Variants in SGCZ observed in about 807,000 individuals in gnomAD.
The protein encoded by SGCZ is zeta-sarcoglycan.
In SGCZ, 40 loss-of-function variants were observed where a neutral mutation model predicts 41.3. The observed-to-expected ratio is 0.97, with a 90% CI of 0.75 to 1.26. The LOEUF (loss-of-function observed/expected upper bound fraction) is 1.26, where lower values mean the gene tolerates loss of function less well. Ranked by LOEUF, SGCZ falls within the 50% of genes most tolerant of loss-of-function variation. The pLI is 0.00. For missense variants in SGCZ, 552 were observed against 369.8 expected, an observed-to-expected ratio of 1.49 and a Z score of -4.04; for synonymous variants, 206 against 137.5, an observed-to-expected ratio of 1.50 and a Z score of -3.49.
intron 1 of SGCZ, among the ~76,000 whole-genome samples, chr8:15,114,821 C>T (rs1256319026): frequency 6.6e-6 from 1 of 151,256 alleles, no homozygotes; most frequent in Non-Finnish European, 1.5e-5. Flanking sequence ...AACAGAGTTG[C>T]CCAGACAAAA....
chr8:15,229,608 T>C (rs909618463), intron 1 of SGCZ, among the ~76,000 whole-genome samples: 1 of 152,228 alleles, frequency 6.6e-6, no homozygotes, highest in Non-Finnish European at 1.5e-5. Flanking sequence ...GTTTGAAGGC[T>C]AGAACATGAT....
intron 2 of SGCZ, among the ~76,000 whole-genome samples, chr8:14,406,780 C>A (rs909830088): frequency 1.3e-5 from 2 of 152,090 alleles, no homozygotes. Context: ...CATACGCCAC[C>A]CTTTAATTTG....
At chr8:14,239,759 G>A (rs1230959364) in intron 3 of SGCZ, among the ~76,000 whole-genome samples, 7 of 150,368 alleles carry the variant, frequency 4.7e-5, no homozygotes, top group African/African-American at 9.8e-5. Context: ...AAAATTAGCC[G>A]GGCGTAGTGG....
At chr8:14,293,947 C>T (rs1257084971) in intron 3 of SGCZ, among the ~76,000 whole-genome samples, 2 of 151,710 alleles carry the variant, frequency 1.3e-5, no homozygotes, top group Non-Finnish European at 3.0e-5. Flanking sequence ...CAAGTCAAGA[C>T]ATACATATCT....
At chr8:14,590,837 T>C (rs1010201341) in intron 1 of SGCZ, among the ~76,000 whole-genome samples, 29 of 148,362 alleles carry the variant, frequency 2.0e-4, no homozygotes, top group Non-Finnish European at 3.4e-4. Context: ...TGAATATGTA[T>C]TCATATTATG....
intron 2 of SGCZ, among the ~76,000 whole-genome samples, chr8:14,372,385 A>G (rs73664331): frequency 2.4e-3 from 360 of 152,272 alleles, no homozygotes; most frequent in African/African-American, 8.3e-3. Context: ...AATTCTGAGT[A>G]TTTATTCTGT....
At chr8:14,520,010 T>A (rs984794833) in intron 2 of SGCZ, among the ~76,000 whole-genome samples, 1 of 151,824 alleles carries the variant, frequency 6.6e-6, no homozygotes, top group African/African-American at 2.4e-5. Context: ...CTTTTAAAAC[T>A]TTTTTTTAAA....
chr8:15,089,362 G>C (rs17120895), intron 1 of SGCZ, among the ~76,000 whole-genome samples: 3,628 of 152,092 alleles, frequency 0.024, 120 homozygotes, highest in African/African-American at 0.079. Context: ...GTCTGACTGG[G>C]ACATGGACAA....
chr8:14,245,656 G>C (rs1585273957), intron 3 of SGCZ, among the ~76,000 whole-genome samples: 2 of 151,960 alleles, frequency 1.3e-5, no homozygotes, highest in Admixed American at 6.6e-5. Flanking sequence ...GCGTGAAAAG[G>C]CAATACACAA....
At chr8:14,419,557 A>G (rs886971782) in intron 2 of SGCZ, among the ~76,000 whole-genome samples, 1 of 151,968 alleles carries the variant, frequency 6.6e-6, no homozygotes, top group East Asian at 1.9e-4. Context: ...GACAAAAACA[A>G]TATTCGTAAA....
intron 3 of SGCZ, among the ~76,000 whole-genome samples, chr8:14,274,580 A>G (rs1343945064): frequency 6.6e-6 from 1 of 152,152 alleles, no homozygotes; most frequent in African/African-American, 2.4e-5. Flanking sequence ...TTTCCTAACC[A>G]TGTTATTGTA....
At chr8:14,929,857 C>T (rs770668695) in intron 1 of SGCZ, among the ~76,000 whole-genome samples, 3 of 151,894 alleles carry the variant, frequency 2.0e-5, no homozygotes, top group African/African-American at 4.8e-5. Context: ...ATGACAGGCA[C>T]GAAATGTGAC....
At chr8:15,133,643 T>C (rs1282697999) in intron 1 of SGCZ, among the ~76,000 whole-genome samples, 1 of 152,174 alleles carries the variant, frequency 6.6e-6, no homozygotes, top group Non-Finnish European at 1.5e-5. Flanking sequence ...TAAACTGATG[T>C]CTTTTACTCT....
intron 1 of SGCZ, among the ~76,000 whole-genome samples, chr8:14,692,496 T>C (rs1456704309): frequency 6.6e-6 from 1 of 152,178 alleles, no homozygotes; most frequent in Admixed American, 6.5e-5. Flanking sequence ...GAAAGTAATC[T>C]TGGTTTATAT....
At chr8:14,603,951 G>A (rs925650928) in intron 1 of SGCZ, among the ~76,000 whole-genome samples, 1 of 151,796 alleles carries the variant, frequency 6.6e-6, no homozygotes, top group African/African-American at 2.4e-5. Context: ...ATTCCATAGC[G>A]ACATATCTCA....
chr8:15,105,071 A>G (rs1261611506), intron 1 of SGCZ, among the ~76,000 whole-genome samples: 1 of 152,196 alleles, frequency 6.6e-6, no homozygotes, highest in Non-Finnish European at 1.5e-5. Flanking sequence ...AATGTTTGCT[A>G]ACCCAATAAA....
chr8:14,143,961 C>G (rs899186795), intron 5 of SGCZ, among the ~76,000 whole-genome samples: 1 of 152,182 alleles, frequency 6.6e-6, no homozygotes, highest in African/African-American at 2.4e-5. Flanking sequence ...CCAGCCCTAA[C>G]AAGGCAGGAA....
At chr8:14,533,744 A>G (rs1338459737) in intron 2 of SGCZ, among the ~76,000 whole-genome samples, 1 of 152,050 alleles carries the variant, frequency 6.6e-6, no homozygotes, top group Admixed American at 6.6e-5. Context: ...ATAAGTTTAA[A>G]CACCATTAAC....
At position 14,218,703 on chromosome 8, in the gene SGCZ, G is replaced by A. The variant is rs531929203; in HGVS notation, c.424+18889C>T. Among the ~76,000 whole-genome samples the A allele has an allele frequency of 5.9e-5, 9 of 152,302 alleles. No homozygotes were observed. The South Asian group carries it at 1.9e-3, about 32-fold the overall frequency. On this transcript the variant is annotated intron_variant, in intron 4 of 7. Transcript: ENST00000382080. ...TTTAGATTATGGAAATGATGTTAGA[G>A]AGCAAACTCCGGCCATTTTCTTATT...
Sources: gnomAD v4.1 joint callset for allele counts (sites outside exome capture counted in the v4.1 genomes callset) on GRCh38, gnomAD v4.1.1 for gene constraint, MANE v1.5 for transcripts, NCBI Gene and HGNC (gene_info 2026-07-23, HGNC 2026-07-21) for gene names.